The following KIF6 variants were observed in gnomAD, a reference collection of about 807,000 sequenced individuals.
KIF6 encodes kinesin-like protein KIF6.
KIF6 carries 106 observed loss-of-function variants against 112.7 expected under a neutral mutation model. The ratio of observed to expected loss-of-function variants is 0.94; its 90% CI spans 0.80 to 1.11. KIF6 has a LOEUF of 1.11. Ranked by LOEUF, KIF6 falls within the 50% of genes least tolerant of loss-of-function variation. KIF6 has a pLI of 0.00. For missense variants in KIF6, 929 were observed against 964.0 expected (o/e 0.96, Z 0.48); for synonymous variants, 339 against 339.9 (o/e 1.00, Z 0.03).
chr6:39,579,797 T>C (rs781074501), intron 9 of KIF6, among the ~76,000 whole-genome samples: 1 of 151,940 alleles, frequency 6.6e-6, no homozygotes, highest in African/African-American at 2.4e-5. Flanking sequence ...AGATTTGCTA[T>C]TATAATTATA....
At chr6:39,574,921 T>C (rs965365839) in intron 10 of KIF6, among the ~76,000 whole-genome samples, 2 of 152,228 alleles carry the variant, frequency 1.3e-5, no homozygotes, top group Admixed American at 6.5e-5. Context: ...CATTCTGTTA[T>C]TGAGCCATCT....
chr6:39,356,108 C>T (rs1764661745), intron 19 of KIF6, among the ~76,000 whole-genome samples: 1 of 151,882 alleles, frequency 6.6e-6, no homozygotes, highest in South Asian at 2.1e-4. Context: ...GGGACCTTGA[C>T]AATTTGAGGC....
intron 7 of KIF6, among the ~76,000 whole-genome samples, chr6:39,594,328 AACAG>A (rs1320348002): frequency 1.3e-5 from 2 of 152,224 alleles, no homozygotes; most frequent in African/African-American, 4.8e-5. Flanking sequence ...TGGAAATTAA[AACAG>A]ACAGTGCTAC....
At chr6:39,496,568 T>C (rs914390963) in intron 13 of KIF6, among the ~76,000 whole-genome samples, 2 of 152,148 alleles carry the variant, frequency 1.3e-5, no homozygotes, top group South Asian at 2.1e-4. Context: ...GAAAAGTGAC[T>C]ACCCCCCCAA....
intron 9 of KIF6, among the ~76,000 whole-genome samples, chr6:39,581,850 C>CT (rs1418268667): frequency 6.6e-6 from 1 of 152,154 alleles, no homozygotes; most frequent in African/African-American, 2.4e-5. Flanking sequence ...AATTCCCTTA[C>CT]TTCCTTTCAA....
intron 10 of KIF6, among the ~76,000 whole-genome samples, chr6:39,574,113 G>A (rs760191443): frequency 1.3e-5 from 2 of 152,106 alleles, no homozygotes; most frequent in Non-Finnish European, 2.9e-5. Flanking sequence ...CACAATTTTA[G>A]TTTTCATTCT....
intron 3 of KIF6, among the ~76,000 whole-genome samples, chr6:39,676,318 CG>C (rs1787137336): frequency 5.2e-5 from 2 of 38,622 alleles, no homozygotes; most frequent in South Asian, 6.8e-4. Flanking sequence ...GTGATGGAAT[CG>C]TTATCTTCAA....
chr6:39,699,430 G>A (rs1788743515), intron 3 of KIF6, among the ~76,000 whole-genome samples: 1 of 152,104 alleles, frequency 6.6e-6, no homozygotes, highest in African/African-American at 2.4e-5. Context: ...GAGCCTTTAA[G>A]GCTAGAGGTT....
chr6:39,428,099 T>C (rs1242769677), intron 14 of KIF6, among the ~76,000 whole-genome samples: 1 of 152,218 alleles, frequency 6.6e-6, no homozygotes, highest in Non-Finnish European at 1.5e-5. Context: ...CTGGACACTG[T>C]CTAAGCCAGT....
intron 19 of KIF6, among the ~76,000 whole-genome samples, chr6:39,349,335 C>T (rs1441677778): frequency 6.6e-6 from 1 of 152,126 alleles, no homozygotes; most frequent in Non-Finnish European, 1.5e-5. Flanking sequence ...CATGGACTCT[C>T]TCGGAGATGC....
chr6:39,406,005 G>A (rs1206395917), intron 15 of KIF6, among the ~76,000 whole-genome samples: 6 of 152,090 alleles, frequency 3.9e-5, no homozygotes, highest in East Asian at 1.9e-4. Context: ...TTCAATGTCT[G>A]TAATGATATT....
chr6:39,526,387 G>A (rs1562287993), intron 13 of KIF6, among the ~76,000 whole-genome samples: 1 of 152,138 alleles, frequency 6.6e-6, no homozygotes, highest in Non-Finnish European at 1.5e-5. Context: ...CAACTATCCA[G>A]TCCCTTTTCT....
intron 13 of KIF6, among the ~76,000 whole-genome samples, chr6:39,474,744 C>G (rs1055743645): frequency 2.6e-5 from 4 of 152,222 alleles, no homozygotes; most frequent in Admixed American, 6.5e-5. Context: ...TGTGGTAACG[C>G]TGTGATTTGT....
chr6:39,465,811 G>A (rs2150431003), intron 13 of KIF6, among the ~76,000 whole-genome samples: 1 of 152,284 alleles, frequency 6.6e-6, no homozygotes, highest in African/African-American at 2.4e-5. Flanking sequence ...AAACAGTTCA[G>A]ACATACCATG....
At chr6:39,460,677 C>A (rs1773421457) in intron 13 of KIF6, among the ~76,000 whole-genome samples, 1 of 151,704 alleles carries the variant, frequency 6.6e-6, no homozygotes, top group African/African-American at 2.4e-5. Context: ...AGTACTTTTA[C>A]CATATTGAGA....
chr6:39,533,801 G>C (rs1778230155), intron 13 of KIF6, among the ~76,000 whole-genome samples: 1 of 152,200 alleles, frequency 6.6e-6, no homozygotes, highest in Admixed American at 6.5e-5. Context: ...GCCTAACTGG[G>C]AGGCACCCCC....
chr6:39,484,533 G>C (rs114259676), intron 13 of KIF6, among the ~76,000 whole-genome samples: 4,272 of 152,260 alleles, frequency 0.028, 204 homozygotes, highest in African/African-American at 0.097. Flanking sequence ...AAGAAATGGC[G>C]GGAGATGGAG....
chr6:39,400,816 A>T (rs1768645007), intron 15 of KIF6, among the ~76,000 whole-genome samples: 1 of 152,222 alleles, frequency 6.6e-6, no homozygotes, highest in South Asian at 2.1e-4. Flanking sequence ...TGTGTATGAC[A>T]TGCAGTTTTT....
chr6:39,630,366 C>T (rs1784295025), intron 5 of KIF6, among the ~76,000 whole-genome samples: 1 of 152,032 alleles, frequency 6.6e-6, no homozygotes, highest in African/African-American at 2.4e-5. Flanking sequence ...TTTATTTGAT[C>T]AGCTTTGCAG....
Sources: gnomAD v4.1 joint callset for allele counts (sites outside exome capture counted in the v4.1 genomes callset) on GRCh38, gnomAD v4.1.1 for gene constraint, MANE v1.5 for transcripts, NCBI Gene and HGNC (gene_info 2026-07-23, HGNC 2026-07-21) for gene names.